The following HMGB1 variants were observed in gnomAD, a reference collection of about 807,000 sequenced individuals.
The protein encoded by HMGB1 is high mobility group protein B1.
For missense variants in HMGB1, 79 were observed against 253.5 expected (o/e 0.31, Z 4.67); for synonymous variants, 81 against 84.0 (o/e 0.96, Z 0.19).
intron 1 of HMGB1, among the ~76,000 whole-genome samples, chr13:30,576,866 T>G (rs1333545873): frequency 6.6e-6 from 1 of 152,218 alleles, no homozygotes; most frequent in Admixed American, 6.5e-5. Flanking sequence ...CAACTTGTGC[T>G]GATTTTATCT....
chr13:30,531,264 A>AT (rs1184638824), intron 1 of HMGB1, among the ~76,000 whole-genome samples: 1 of 152,202 alleles, frequency 6.6e-6, no homozygotes, highest in Non-Finnish European at 1.5e-5. Context: ...GAATGATGGC[A>AT]TCCCCTGTGA....
intron 1 of HMGB1, among the ~76,000 whole-genome samples, chr13:30,538,679 TC>T (rs1868671935): frequency 3.3e-5 from 1 of 29,996 alleles, no homozygotes; most frequent in South Asian, 1.3e-3. Context: ...TTTCTTTCTT[TC>T]TTTCCTTTCT....
chr13:30,461,597 C>A lies in HMGB1; in HGVS notation c.472-64G>T, dbSNP rs182968715. ...AAAAACATTAAGGAAAGAAATAGAA[C>A]ATGGCAGAACTTTATGAAAGAAATC... On this transcript the variant is annotated intron_variant, in intron 4 of 4. Coordinates refer to ENST00000341423, the MANE Select transcript of HMGB1 (RefSeq NM_002128.7). 57 of 1,569,692 alleles carry A rather than the reference C, an allele frequency of 3.6e-5. No homozygotes were observed. The African/African-American group carries it at 6.4e-4, about 18-fold the overall frequency.
intron 1 of HMGB1, among the ~76,000 whole-genome samples, chr13:30,597,112 A>C (rs1236269925): frequency 6.6e-6 from 1 of 152,266 alleles, no homozygotes; most frequent in Admixed American, 6.5e-5. Flanking sequence ...AAAGATGCTG[A>C]AGTCCTAAAC....
rs1180204862 is a variant in HMGB1, at chr13:30,456,906, G to A, written c.*4451C>T. 3.9e-5 allele frequency: 6 copies of A among 151,980 alleles called. No individual in the cohort carries two copies. The highest frequency in any genetic ancestry group is 5.9e-5 in the Non-Finnish European group (4 of 68,016). The allele number at this position is 151,980 out of a possible 1,614,324, so 9.4% of individuals were successfully genotyped here. A position where few individuals can be genotyped will look rare whatever the true frequency, so the allele number is the denominator to read the frequency against. The stretch of plus-strand genomic sequence containing the variant: ...ATGTACAGATGTTCAGCGCAGTACT[G>A]TTAAACAGCAAAAAATAGGAAACAA... On this transcript the variant is annotated 3_prime_UTR_variant, in exon 5 of 5. Transcript: ENST00000341423.
intron 1 of HMGB1, among the ~76,000 whole-genome samples, chr13:30,493,739 T>C (rs1887550676): frequency 6.6e-6 from 1 of 152,044 alleles, no homozygotes; most frequent in African/African-American, 2.4e-5. Context: ...TGAGGCTGCA[T>C]TGAGCTATGA....
intron 1 of HMGB1, among the ~76,000 whole-genome samples, chr13:30,533,155 A>C (rs1360447875): frequency 6.6e-6 from 1 of 152,174 alleles, no homozygotes; most frequent in Non-Finnish European, 1.5e-5. Context: ...AGGATTCAGC[A>C]GCAGTGGGCA....
intron 1 of HMGB1, among the ~76,000 whole-genome samples, chr13:30,474,042 G>A (rs1887009735): frequency 6.6e-6 from 1 of 152,146 alleles, no homozygotes; most frequent in African/African-American, 2.4e-5. Flanking sequence ...GCCAGGGTTT[G>A]GGGAAAAAGA....
At chr13:30,471,606 C>T (rs1389872320) in intron 1 of HMGB1, among the ~76,000 whole-genome samples, 1 of 148,818 alleles carries the variant, frequency 6.7e-6, no homozygotes, top group African/African-American at 2.5e-5. Context: ...CCACCCGCCT[C>T]CGCCTCCCAA....
At chr13:30,551,598 A>G (rs1289411495) in intron 1 of HMGB1, among the ~76,000 whole-genome samples, 1 of 152,234 alleles carries the variant, frequency 6.6e-6, no homozygotes, top group Non-Finnish European at 1.5e-5. Flanking sequence ...CCAGGCCTCT[A>G]GGATGCAGCC....
intron 1 of HMGB1, among the ~76,000 whole-genome samples, chr13:30,538,698 T>G (rs1250859869): frequency 2.2e-5 from 3 of 138,000 alleles, no homozygotes; most frequent in African/African-American, 6.0e-5. Flanking sequence ...TCTTTCTTTC[T>G]TTCTTTTTCT....
chr13:30,467,846 T>C (rs1273401518), upstream of HMGB1, among the ~76,000 whole-genome samples: 1 of 152,238 alleles, frequency 6.6e-6, no homozygotes, highest in African/African-American at 2.4e-5. Flanking sequence ...GGCACGGCCA[T>C]ACACTTTACT....
intron 1 of HMGB1, among the ~76,000 whole-genome samples, chr13:30,516,381 A>C (rs990340250): frequency 1.3e-5 from 2 of 152,196 alleles, no homozygotes; most frequent in African/African-American, 4.8e-5. Flanking sequence ...AACAAATTTG[A>C]AAAGTGATTT....
At chr13:30,514,570 T>C (rs1043336252) in intron 1 of HMGB1, among the ~76,000 whole-genome samples, 4 of 152,232 alleles carry the variant, frequency 2.6e-5, no homozygotes, top group East Asian at 3.9e-4. Context: ...GCAGCACTGA[T>C]TGTAGTATTC....
chr13:30,507,742 C>G (rs1887899978), intron 1 of HMGB1, among the ~76,000 whole-genome samples: 1 of 152,148 alleles, frequency 6.6e-6, no homozygotes, highest in Admixed American at 6.5e-5. Flanking sequence ...AGTTGGAATC[C>G]CAGCTGCTTG....
intron 1 of HMGB1, among the ~76,000 whole-genome samples, chr13:30,549,127 T>C (rs1869300291): frequency 6.6e-6 from 1 of 151,860 alleles, no homozygotes; most frequent in Non-Finnish European, 1.5e-5. Context: ...TGAGACCCCA[T>C]CTCTACAAAA....
At chr13:30,528,292 C>T (rs1019186578) in intron 1 of HMGB1, among the ~76,000 whole-genome samples, 9 of 152,198 alleles carry the variant, frequency 5.9e-5, no homozygotes, top group African/African-American at 2.2e-4. Context: ...CAACCACAAC[C>T]AACTGGGACC....
intron 1 of HMGB1, among the ~76,000 whole-genome samples, chr13:30,491,462 T>C (rs897812298): frequency 3.3e-5 from 5 of 152,060 alleles, no homozygotes; most frequent in African/African-American, 1.2e-4. Flanking sequence ...GGCAGGCGGA[T>C]AGCCAGCCTG....
At position 30,460,215 on chromosome 13, in the gene HMGB1, G is replaced by A. The variant is rs1202708091; in HGVS notation, c.*1142C>T. ...TTCCTATCTACTTGGATTTATAAAG[G>A]GGCAAACCGTAATATAGGAAAATAT... On this transcript the variant is annotated 3_prime_UTR_variant, in exon 5 of 5. Transcript: ENST00000341423. 1.3e-5 allele frequency: 2 copies of A among 152,322 alleles called. No individual in the cohort carries two copies. Among genetic ancestry groups the A allele is most frequent in the African/African-American group, 4.8e-5 (2 of 41,332 alleles). The allele number at this position is 152,322 out of a possible 1,614,324, so 9.4% of individuals were successfully genotyped here.
Sources: allele counts gnomAD v4.1 joint callset (sites outside exome capture counted in the v4.1 genomes callset), GRCh38; gene constraint gnomAD v4.1.1; transcripts MANE v1.5; gene names NCBI Gene and HGNC (gene_info 2026-07-23, HGNC 2026-07-21).